DMD: variants seen among roughly 807,000 people sequenced by gnomAD.
DMD encodes the protein dystrophin, also known as mutant dystrophin.
DMD carries 63 observed loss-of-function variants against 330.1 expected under a neutral mutation model. That is an observed-to-expected ratio of 0.19 (90% CI 0.16 to 0.24). DMD has a LOEUF of 0.24. DMD is among the 10% of genes least tolerant of loss of function. The pLI is 1.00. For synonymous variants in DMD, 1,223 were observed against 959.8 expected (o/e 1.27, Z -5.07); for missense variants, 3,344 against 2,684.1 (o/e 1.25, Z -5.43).
intron 52 of DMD, among the ~76,000 whole-genome samples, chrX:31,715,634 G>A (rs1005048770): frequency 1.8e-5 from 2 of 110,884 alleles, no homozygotes; most frequent in African/African-American, 6.6e-5. Context: ...GTAAACTGAG[G>A]AACATTTCAA....
chrX:33,042,776 A>C (rs1186104319), intron 1 of DMD, among the ~76,000 whole-genome samples: 2 of 111,675 alleles, frequency 1.8e-5, no homozygotes, highest in Non-Finnish European at 3.8e-5. Flanking sequence ...TTCTTTCTGC[A>C]TTTTTCTTCT....
intron 62 of DMD, among the ~76,000 whole-genome samples, chrX:31,305,901 G>T (rs1269998530): frequency 1.2e-4 from 14 of 112,182 alleles, no homozygotes; most frequent in African/African-American, 3.6e-4. Flanking sequence ...TAACACCATT[G>T]AAAGTGAGGT....
At chrX:31,988,946 C>A (rs2095530936) in intron 44 of DMD, among the ~76,000 whole-genome samples, 1 of 111,703 alleles carries the variant, frequency 9.0e-6, no homozygotes, top group Non-Finnish European at 1.9e-5. Context: ...GGCATGAGAA[C>A]CAAGAAAGCC....
chrX:33,294,768 CA>C (rs1459200933), intron 1 of DMD, among the ~76,000 whole-genome samples: 1 of 109,607 alleles, frequency 9.1e-6, no homozygotes, highest in Non-Finnish European at 1.9e-5. Flanking sequence ...AAAAGGGAAT[CA>C]AAGAGTAATA....
At chrX:32,707,631 C>G (rs765884056) in intron 7 of DMD, among the ~76,000 whole-genome samples, 2 of 112,088 alleles carry the variant, frequency 1.8e-5, no homozygotes, top group Non-Finnish European at 3.8e-5. Flanking sequence ...TCAAAATTGT[C>G]TCTTCCGTCA....
intron 49 of DMD, among the ~76,000 whole-genome samples, chrX:31,826,388 G>A (rs2092896468): frequency 8.9e-6 from 1 of 112,372 alleles, no homozygotes; most frequent in African/African-American, 3.2e-5. Context: ...TACAGTTTTT[G>A]ATTTGGCTGT....
At chrX:31,890,275 G>A (rs191388298) in intron 47 of DMD, among the ~76,000 whole-genome samples, 20 of 106,767 alleles carry the variant, frequency 1.9e-4, no homozygotes, top group African/African-American at 5.8e-4. Context: ...TTGGGAGGCC[G>A]AGGAAGGAGG....
At chrX:32,940,405 T>G (rs2090324827) in intron 2 of DMD, among the ~76,000 whole-genome samples, 1 of 111,562 alleles carries the variant, frequency 9.0e-6, no homozygotes, top group Admixed American at 9.6e-5. Flanking sequence ...GCAATTTTTA[T>G]AACATTTAAA....
intron 49 of DMD, among the ~76,000 whole-genome samples, chrX:31,825,859 C>T (rs1394232870): frequency 1.8e-5 from 2 of 111,698 alleles, no homozygotes; most frequent in Admixed American, 9.6e-5. Flanking sequence ...TAAGATTTAT[C>T]ATCCTTGAAA....
intron 1 of DMD, among the ~76,000 whole-genome samples, chrX:33,151,363 T>C (rs2048277507): frequency 8.9e-6 from 1 of 112,747 alleles, no homozygotes; most frequent in Non-Finnish European, 1.9e-5. Context: ...TTTTCACTAA[T>C]GTATTAATAC....
At chrX:31,282,332 T>A (rs1603292912) in intron 62 of DMD, among the ~76,000 whole-genome samples, 1 of 111,644 alleles carries the variant, frequency 9.0e-6, no homozygotes, top group East Asian at 2.8e-4. Flanking sequence ...ATTATTGAAC[T>A]TGACAGTAGA....
At chrX:32,325,028 TGG>T (rs34172863) in intron 41 of DMD, among the ~76,000 whole-genome samples, 2 of 111,625 alleles carry the variant, frequency 1.8e-5, no homozygotes, top group Non-Finnish European at 3.8e-5. Context: ...ATACATTACC[TGG>T]GAACATGTTT....
At chrX:32,402,287 A>G (rs148791363) in intron 30 of DMD, among the ~76,000 whole-genome samples, 3,528 of 111,678 alleles carry the variant, frequency 0.032, 124 homozygotes, top group African/African-American at 0.11. Flanking sequence ...TTTTAAATAT[A>G]TAATAGTAAT....
intron 44 of DMD, among the ~76,000 whole-genome samples, chrX:32,043,378 T>TAA (rs36081413): frequency 9.0e-6 from 1 of 111,051 alleles, no homozygotes; most frequent in Non-Finnish European, 1.9e-5. Flanking sequence ...ATATGTTCAA[T>TAA]AAAAAATCAT....
At position 31,471,170 on chromosome X, in the gene DMD, C is replaced by T. The variant is rs191386105; in HGVS notation, c.8937+6936G>A. ...TCCAGGGGAGTGAATGGTTCTATCTCGCTGGTGTTCCAGGTGACGCTGGGA... is the reference window on the plus strand; with the variant it reads ...TCCAGGGGAGTGAATGGTTCTATCTTGCTGGTGTTCCAGGTGACGCTGGGA... On this transcript the variant is annotated intron_variant, in intron 59 of 78. Transcript: ENST00000357033. Among the ~76,000 whole-genome samples, 6 of 111,004 alleles carry T rather than the reference C, an allele frequency of 5.4e-5. No individual in the cohort carries two copies. The East Asian group carries it at 1.4e-3, about 26-fold the overall frequency.
intron 55 of DMD, among the ~76,000 whole-genome samples, chrX:31,588,236 C>T (rs1177629262): frequency 3.6e-5 from 4 of 111,527 alleles, no homozygotes; most frequent in Non-Finnish European, 5.7e-5. Context: ...CCTCCCAGGG[C>T]TAGCTAATTC....
At chrX:31,226,301 G>A (rs1404784775) in intron 63 of DMD, among the ~76,000 whole-genome samples, 1 of 111,829 alleles carries the variant, frequency 8.9e-6, no homozygotes, top group Non-Finnish European at 1.9e-5. Context: ...GTTGTCTTTT[G>A]TTTTTCTATC....
rs139175793 is a variant in DMD at position 31,415,397 on chromosome X, T to C, written c.9084+29084A>G. On this transcript the variant is annotated intron_variant, in intron 60 of 78. Transcript: ENST00000357033. ...TTACCCCAGTCGTCTTCCAGATTGC[T>C]GTAGGTTCATTATGCAAATGTTCCT... 9.4e-3 allele frequency among the ~76,000 whole-genome samples: 1,051 copies of C among 112,255 alleles called. 2 individuals are homozygous for C. Among genetic ancestry groups the C allele is most frequent in the South Asian group, 0.021 (57 of 2,685 alleles).
chrX:31,719,132 T>C (rs2085284292), intron 52 of DMD, among the ~76,000 whole-genome samples: 1 of 111,645 alleles, frequency 9.0e-6, no homozygotes, highest in African/African-American at 3.3e-5. Context: ...CTTCTAGTTT[T>C]ATATGAGAAA....
Sources: gnomAD v4.1 joint callset for allele counts (sites outside exome capture counted in the v4.1 genomes callset) on GRCh38, gnomAD v4.1.1 for gene constraint, MANE v1.5 for transcripts, NCBI Gene and HGNC (gene_info 2026-07-23, HGNC 2026-07-21) for gene names.